Variants in TTF2 observed in about 807,000 individuals in gnomAD.
TTF2 encodes transcription termination factor 2.
TTF2 carries 108 observed loss-of-function variants against 142.4 expected under a neutral mutation model. The observed-to-expected ratio is 0.76, with a 90% CI of 0.65 to 0.89. The LOEUF is 0.89. TTF2 is among the 40% of genes least tolerant of loss of function. The pLI is 0.00. For synonymous variants in TTF2, 483 were observed against 506.2 expected (o/e 0.95, Z 0.61); for missense variants, 1,327 against 1,379.8 (o/e 0.96, Z 0.61).
chr1:117,072,952 A>G (rs1557806168), intron 3 of TTF2, among the ~76,000 whole-genome samples: 1 of 152,110 alleles, frequency 6.6e-6, no homozygotes, highest in Non-Finnish European at 1.5e-5. Context: ...ACATATTTTC[A>G]GTGGACTCAT....
intron 13 of TTF2, among the ~76,000 whole-genome samples, chr1:117,089,200 T>G (rs1238405262): frequency 6.6e-6 from 1 of 150,526 alleles, no homozygotes; most frequent in African/African-American, 2.4e-5. Flanking sequence ...CTTATATATA[T>G]ATGCAAAAAT....
rs1325032296 is a variant in TTF2, at chr1:117,103,406, A to C, written c.*1882A>C. On this transcript the variant is annotated 3_prime_UTR_variant, in exon 23 of 23. Transcript: ENST00000369466. ...TTGTTCCAAAAACACTTACTCTGCT[A>C]ATTTCTGCTAGAAAGAATCACAGTT... 6.6e-6 allele frequency: 1 copy of C among 152,228 alleles called. No homozygotes were observed. The highest frequency in any genetic ancestry group is 1.5e-5 in the Non-Finnish European group (1 of 68,034). The allele number at this position is 152,228 out of a possible 1,614,324, so 9.4% of individuals were successfully genotyped here.
At chr1:117,061,560 A>C (rs887038945) in intron 2 of TTF2, among the ~76,000 whole-genome samples, 1 of 152,170 alleles carries the variant, frequency 6.6e-6, no homozygotes, top group Admixed American at 6.5e-5. Flanking sequence ...CTAACTTCCC[A>C]TGTTTCTGTT....
At position 117,092,733 on chromosome 1, in the gene TTF2, C is replaced by G. The variant is rs772662131; in HGVS notation, c.2808C>G (p.Ala936=). 9 of 1,613,614 alleles carry G rather than the reference C, an allele frequency of 5.6e-6. No homozygotes were observed. Among genetic ancestry groups the G allele is most frequent in the Admixed American group, 3.3e-5 (2 of 59,964 alleles). Residue 936 remains alanine (A), a splice_region_variant and synonymous_variant, in exon 18 of 23, where the codon GCC becomes GCG. Transcript: ENST00000369466. The surrounding 1 kb of genome is among the most constrained non-coding windows in gnomAD (Gnocchi z 4.4). ...CCTGTCCTTTTTTGTCTGTTCAGGC[C>G]CTGGATCCAATGGAACTGAAGGGTG... ...CCCHLSLLKS[A]LDPMELKGEG...
chr1:117,091,236 TC>T (rs1180422276), intron 15 of TTF2, 91 bp from the exon 16 acceptor site: 1 of 1,013,216 alleles, frequency 9.9e-7, no homozygotes, highest in Non-Finnish European at 1.4e-6. Flanking sequence ...TAACAAGTCT[TC>T]TATAATTTGT....
intron 3 of TTF2, among the ~76,000 whole-genome samples, chr1:117,071,480 T>G (rs1325551995): frequency 1.3e-5 from 2 of 152,222 alleles, no homozygotes; most frequent in African/African-American, 4.8e-5. Flanking sequence ...GACTTGAATA[T>G]GCATTTAAAA....
In TTF2 at chr1:117,073,541, G is replaced by A; in HGVS notation, c.219-120G>A. On this transcript the variant is annotated intron_variant, in intron 3 of 22. Coordinates refer to ENST00000369466, the MANE Select transcript of TTF2 (RefSeq NM_003594.4). The surrounding 1 kb of genome is among the most constrained non-coding windows in gnomAD (Gnocchi z 4.4). ...TGTATATAAAAGTAATTGGTTTCAA[G>A]TGACCTCCCAAAGCCAGGTTCAAAT... The A allele has an allele frequency of 1.2e-6, 1 of 869,226 alleles. No individual in the cohort carries two copies. 53.8% of individuals were successfully genotyped at this position (869,226 alleles called of 1,614,324 possible).
Position 117,070,745 on chromosome 1 carries a change from A to G in TTF2, c.219-2916A>G, listed in dbSNP as rs914058804. 7.9e-5 allele frequency among the ~76,000 whole-genome samples: 12 copies of G among 152,240 alleles called. No individual in the cohort carries two copies. Among genetic ancestry groups the G allele is most frequent in the Admixed American group, 7.8e-4 (12 of 15,288 alleles). On this transcript the variant is annotated intron_variant, in intron 3 of 22. Coordinates refer to ENST00000369466, the MANE Select transcript of TTF2 (RefSeq NM_003594.4). The surrounding 1 kb of genome is among the most constrained non-coding windows in gnomAD (Gnocchi z 4.2). Reference sequence around the variant, plus strand: ...ATGAGAAAAATTAAAGAAACCAGTAAGATTTTAAAAATTGTGAACTTGGAT... The same window carrying G: ...ATGAGAAAAATTAAAGAAACCAGTAGGATTTTAAAAATTGTGAACTTGGAT...
At position 117,090,511 on chromosome 1, in the gene TTF2, CT is replaced by C. The variant is rs376440412; in HGVS notation, c.2497-11del. ...GTTAATTTGTATAGCTTCATGCCAG[CT>C]TTTTTTTTTATTCTTCCAGGTGATA... On this transcript the variant is annotated intron_variant, in intron 14 of 22. Transcript: ENST00000369466. This position sits in a 1 kb window ranked among gnomAD's most constrained non-coding sequence, Gnocchi z 4.8. The C allele has an allele frequency of 9.4e-3, 11,007 of 1,169,030 alleles. No individual in the cohort carries two copies. The highest frequency in any genetic ancestry group is 0.014 in the Admixed American group (608 of 44,562). The allele number at this position is 1,169,030 out of a possible 1,614,324, so 72.4% of individuals were successfully genotyped here.
chr1:117,082,824 T>TA (rs1247929682), intron 10 of TTF2, among the ~76,000 whole-genome samples: 1 of 151,928 alleles, frequency 6.6e-6, no homozygotes, highest in East Asian at 1.9e-4. Flanking sequence ...CACTGTCTCT[T>TA]AAAAAAAATT....
chr1:117,076,904 T>C lies in TTF2; in HGVS notation c.1573+81T>C. The stretch of plus-strand genomic sequence containing the variant: ...CACCCGGTACAGTAGTCACCTCTTA[T>C]CCACACTTTCAGTTAACCTTAGTCA... On this transcript the variant is annotated intron_variant, in intron 7 of 22. Transcript: ENST00000369466. This position sits in a 1 kb window ranked among gnomAD's most constrained non-coding sequence, Gnocchi z 4.6. 1 of 1,326,876 alleles carries C rather than the reference T, an allele frequency of 7.5e-7. No individual in the cohort carries two copies. Among genetic ancestry groups the C allele is most frequent in the Non-Finnish European group, 1.0e-6 (1 of 976,328 alleles). 82.2% of individuals were successfully genotyped at this position (1,326,876 alleles called of 1,614,324 possible).
At chr1:117,098,626 T>C in intron 21 of TTF2, 1 of 477,430 alleles carries the variant, frequency 2.1e-6, no homozygotes, top group Non-Finnish European at 3.7e-6. Flanking sequence ...TTTTTTTTCT[T>C]TGAGGCTTTT....
Position 117,091,878 on chromosome 1 carries a change from C to T in TTF2, c.2733C>T (p.Ser911=), listed in dbSNP as rs150340120. 7.2e-4 allele frequency: 1,158 copies of T among 1,613,698 alleles called. 10 individuals are homozygous for T. The African/African-American group carries it at 0.014, about 19-fold the overall frequency. The change falls in exon 17 of 23, where the codon TCC becomes TCT. Residue 911 remains serine (S), a synonymous_variant. Transcript: ENST00000369466. ...RHSEAADSPR[S]STVHILSQLL... is the part of the protein sequence containing the mutation. The stretch of plus-strand genomic sequence containing the variant: ...CGGAGGCAGCAGACTCACCGAGATC[C>T]AGCACCGTCCACATACTGTCCCAGT...
chr1:117,090,726 T>C lies in TTF2; in HGVS notation c.2588+103T>C. On this transcript the variant is annotated intron_variant, in intron 15 of 22. Transcript: ENST00000369466. This position sits in a 1 kb window ranked among gnomAD's most constrained non-coding sequence, Gnocchi z 4.8. The stretch of plus-strand genomic sequence containing the variant: ...ATTTCCACAAACTTTATGGCATTAT[T>C]GATTAGTTGGATGTCTGTATTCCCT... The C allele has an allele frequency of 1.0e-6, 1 of 960,862 alleles. No homozygotes were observed. The highest frequency in any genetic ancestry group is 1.7e-5 in the African/African-American group (1 of 60,066). The allele number at this position is 960,862 out of a possible 1,614,324, so 59.5% of individuals were successfully genotyped here.
intron 3 of TTF2, among the ~76,000 whole-genome samples, chr1:117,065,070 T>C (rs1655982418): frequency 6.6e-6 from 1 of 152,230 alleles, no homozygotes. Context: ...ATCTGTTCCA[T>C]TGATCCATTT....
At chr1:117,096,445 T>C (rs1649160583) in intron 20 of TTF2, 146 bp downstream of exon 20, 3 of 1,032,816 alleles carry the variant, frequency 2.9e-6, no homozygotes, top group Non-Finnish European at 4.1e-6. Context: ...TAGTGCTATC[T>C]TGGCTCACCG....
chr1:117,080,071 G>A lies in TTF2; in HGVS notation c.1783+422G>A, dbSNP rs191207318. ...GTCACCCAGGCTGGAGTGCTGTGGT[G>A]CGATCTCGGCTCACTGCAACCTCCG... On this transcript the variant is annotated intron_variant, in intron 9 of 22. Coordinates refer to ENST00000369466, the MANE Select transcript of TTF2 (RefSeq NM_003594.4). The surrounding 1 kb of genome is among the most constrained non-coding windows in gnomAD (Gnocchi z 4.3). Among the ~76,000 whole-genome samples the A allele has an allele frequency of 6.7e-6, 1 of 150,236 alleles. No homozygotes were observed. Among genetic ancestry groups the A allele is most frequent in the East Asian group, 2.0e-4 (1 of 5,112 alleles).
In TTF2 at chr1:117,060,604, C is replaced by T. The variant is rs1570777120; in HGVS notation, c.131+47C>T. Reference sequence around the variant, plus strand: ...ACTCCCTGTGGCTGCCCGGGGCCTCCCGAGAGGAGCTTCCCGCTCCCCGCT... The same window carrying T: ...ACTCCCTGTGGCTGCCCGGGGCCTCTCGAGAGGAGCTTCCCGCTCCCCGCT... On this transcript the variant is annotated intron_variant, in intron 2 of 22. Transcript: ENST00000369466. 3 of 1,528,566 alleles carry T rather than the reference C, an allele frequency of 2.0e-6. No individual in the cohort carries two copies. In the East Asian group the frequency reaches 6.9e-5, roughly 35 times the overall value. 94.7% of individuals were successfully genotyped at this position (1,528,566 alleles called of 1,614,324 possible).
Position 117,090,558 on chromosome 1 carries a change from G to T in TTF2, c.2523G>T (p.Gln841His). ...PLVILPQRKF[Q>H]LHHLKLSEDE... The stretch of plus-strand genomic sequence containing the variant: ...TGATACTGCCCCAGCGTAAATTTCA[G>T]TTGCACCATTTAAAGCTTTCTGAAG... The change falls in exon 15 of 23, where the codon CAG (glutamine) becomes CAT (histidine). Residue 841 changes from glutamine (Q) to histidine (H), a missense_variant. By Grantham distance (24) the Gln-to-His change is conservative. Transcript: ENST00000369466. The surrounding 1 kb of genome is among the most constrained non-coding windows in gnomAD (Gnocchi z 4.8). The T allele has an allele frequency of 6.2e-7, 1 of 1,613,878 alleles. No individual in the cohort carries two copies. Among genetic ancestry groups the T allele is most frequent in the South Asian group, 1.1e-5 (1 of 91,034 alleles).
Sources: allele counts gnomAD v4.1 joint callset (sites outside exome capture counted in the v4.1 genomes callset), GRCh38; gene constraint gnomAD v4.1.1; non-coding constraint Gnocchi (gnomAD v3.1); transcripts MANE v1.5; gene names NCBI Gene and HGNC (gene_info 2026-07-23, HGNC 2026-07-21).